Variants in CACNA1C observed in about 807,000 individuals in gnomAD.
CACNA1C encodes calcium voltage-gated channel subunit alpha1 C.
A neutral mutation model predicts 229.0 loss-of-function variants in CACNA1C; 30 were observed. The observed-to-expected ratio is 0.13, with a 90% CI of 0.10 to 0.18. CACNA1C has a LOEUF of 0.18. Ranked by LOEUF, CACNA1C falls within the 10% of genes least tolerant of loss-of-function variation. The probability of loss-of-function intolerance (pLI) is 1.00; values close to 1 mark genes in which losing one functional copy is unlikely to be tolerated. For missense variants in CACNA1C, 1,658 were observed against 2,845.0 expected, an observed-to-expected ratio of 0.58 and a Z score of 9.49; for synonymous variants, 1,114 against 1,132.5, an observed-to-expected ratio of 0.98 and a Z score of 0.33.
chr12:2,655,266 G>C, intron 34 of CACNA1C, 28 bp downstream of exon 34: 1 of 1,349,958 alleles, frequency 7.4e-7, no homozygotes, highest in Non-Finnish European at 1.1e-6. Flanking sequence ...TAGGTGCACA[G>C]ATACACACAC....
At position 2,666,900 on chromosome 12, in the gene CACNA1C, T is replaced by TAA; in HGVS notation, c.4623+119_4623+120dup. On this transcript the variant is annotated intron_variant, in intron 37 of 46. Coordinates refer to ENST00000399655, the MANE Select transcript of CACNA1C (RefSeq NM_000719.7). This position sits in a 1 kb window ranked among gnomAD's most constrained non-coding sequence, Gnocchi z 5.3. ...GTTTATGTGCCTAAAGATTACATTT[T>TAA]AAGGGTCCTTCCAGCTCTAAATTCT... The TAA allele has an allele frequency of 1.4e-6, 1 of 697,556 alleles. No individual in the cohort carries two copies. Among genetic ancestry groups the TAA allele is most frequent in the South Asian group, 1.6e-5 (1 of 62,596 alleles). 43.2% of individuals were successfully genotyped at this position (697,556 alleles called of 1,614,324 possible).
intron 1 of CACNA1C, among the ~76,000 whole-genome samples, chr12:2,022,351 C>G (rs2046604682): frequency 6.6e-6 from 1 of 152,052 alleles, no homozygotes; most frequent in Non-Finnish European, 1.5e-5. Flanking sequence ...GTATGTATAG[C>G]TCACATTTGT....
chr12:2,054,376 C>T lies in CACNA1C; in HGVS notation c.49+765C>T, dbSNP rs1259162420. On this transcript the variant is annotated intron_variant, in intron 1 of 46. Coordinates refer to ENST00000399655, the MANE Select transcript of CACNA1C (RefSeq NM_000719.7). The surrounding 1 kb of genome is among the most constrained non-coding windows in gnomAD (Gnocchi z 5.5). ...ACCTGAGGATGGAAGCGGCGAGGAG[C>T]CGGGCGGTGTGTGGGCTTTGCTGTT... Among the ~76,000 whole-genome samples the T allele has an allele frequency of 6.6e-6, 1 of 152,194 alleles. No individual in the cohort carries two copies. Among genetic ancestry groups the T allele is most frequent in the Non-Finnish European group, 1.5e-5 (1 of 68,044 alleles).
intron 8 of CACNA1C, among the ~76,000 whole-genome samples, chr12:2,505,481 C>G (rs2099769484): frequency 6.6e-6 from 1 of 152,114 alleles, no homozygotes; most frequent in Non-Finnish European, 1.5e-5. Flanking sequence ...TACCTAATTT[C>G]AGCCCTTGCT....
intron 1 of CACNA1C, chr12:1,991,115 G>A (rs1309831637): frequency 2.2e-6 from 1 of 456,078 alleles, no homozygotes; most frequent in Middle Eastern, 3.3e-4. Context: ...GCATCCCAAA[G>A]GCTACCTTTA....
chr12:2,340,814 G>A (rs565208635), intron 3 of CACNA1C, among the ~76,000 whole-genome samples: 4 of 152,152 alleles, frequency 2.6e-5, no homozygotes, highest in Non-Finnish European at 4.4e-5. Flanking sequence ...AAAATTAGCC[G>A]GGCGTGGTGG....
Position 2,056,169 on chromosome 12 carries a change from G to A in CACNA1C, c.49+2558G>A, listed in dbSNP as rs151131645. On this transcript the variant is annotated intron_variant, in intron 1 of 46. Transcript: ENST00000399655. ...TCCTTGCTCCCTCACCTTTTCCGTG[G>A]AGTGTGTGCATGTGTGAGTGTGTGT... Among the ~76,000 whole-genome samples the A allele has an allele frequency of 3.6e-3, 539 of 151,416 alleles. 3 individuals are homozygous for A. The highest frequency in any genetic ancestry group is 0.013 in the African/African-American group (522 of 41,280).
chr12:2,611,553 A>C (rs1188493124), intron 28 of CACNA1C, among the ~76,000 whole-genome samples: 1 of 152,012 alleles, frequency 6.6e-6, no homozygotes, highest in African/African-American at 2.4e-5. Flanking sequence ...AGCTGGACGC[A>C]TTCGTTGTCG....
intron 30 of CACNA1C, among the ~76,000 whole-genome samples, chr12:2,637,775 A>G (rs568064679): frequency 6.6e-6 from 1 of 152,310 alleles, no homozygotes; most frequent in African/African-American, 2.4e-5. Flanking sequence ...TCATCACAAG[A>G]CATATATTCC....
In CACNA1C at chr12:2,649,658, G is replaced by A. The variant is rs2094723914; in HGVS notation, c.3945+1151G>A. Among the ~76,000 whole-genome samples, 1 of 151,922 alleles carries A rather than the reference G, an allele frequency of 6.6e-6. No homozygotes were observed. The highest frequency in any genetic ancestry group is 2.4e-5 in the African/African-American group (1 of 41,296). On this transcript the variant is annotated intron_variant, in intron 31 of 46. Transcript: ENST00000399655. The surrounding 1 kb of genome is among the most constrained non-coding windows in gnomAD (Gnocchi z 4.4). ...CAGTGGAATGGAATTCACGCTGCAA[G>A]CTTGGTGTTTGGCGTTTTTTGGGTT...
At chr12:2,096,151 C>T (rs548307848) in intron 1 of CACNA1C, among the ~76,000 whole-genome samples, 50 of 152,182 alleles carry the variant, frequency 3.3e-4, no homozygotes, top group Non-Finnish European at 6.5e-4. Flanking sequence ...AACCAGCTCT[C>T]GCAGCCAGAG....
Position 2,585,888 on chromosome 12 carries a change from C to A in CACNA1C, c.2514C>A (p.Pro838=). The A allele has an allele frequency of 6.2e-7, 1 of 1,601,242 alleles. No homozygotes were observed. Among genetic ancestry groups the A allele is most frequent in the Non-Finnish European group, 8.5e-7 (1 of 1,173,278 alleles). Residue 838 remains proline, a synonymous_variant, in exon 18 of 47, where the codon CCC becomes CCA. Coordinates refer to ENST00000399655, the MANE Select transcript of CACNA1C (RefSeq NM_000719.7). This position sits in a 1 kb window ranked among gnomAD's most constrained non-coding sequence, Gnocchi z 4.1. ...PNENEDKSPY[P]NPETTGEEDE... Reference sequence around the variant, plus strand: ...AAAATGAGGATAAGAGCCCCTACCCCAACCCAGAAACTACAGGTACCAGTC... The same window carrying A: ...AAAATGAGGATAAGAGCCCCTACCCAAACCCAGAAACTACAGGTACCAGTC...
chr12:2,583,588 T>A (rs528180180), intron 15 of CACNA1C, among the ~76,000 whole-genome samples: 2 of 152,160 alleles, frequency 1.3e-5, no homozygotes, highest in Admixed American at 6.5e-5. Context: ...AAGTCCCAGC[T>A]AAGGCAGTGC....
intron 1 of CACNA1C, among the ~76,000 whole-genome samples, chr12:2,073,741 C>T (rs1469075899): frequency 6.6e-6 from 1 of 152,222 alleles, no homozygotes; most frequent in Non-Finnish European, 1.5e-5. Flanking sequence ...CCAAGAATTT[C>T]AGGCATCAGC....
chr12:2,498,293 G>A (rs901887184), intron 7 of CACNA1C, among the ~76,000 whole-genome samples: 2 of 152,168 alleles, frequency 1.3e-5, no homozygotes, highest in Admixed American at 6.5e-5. Flanking sequence ...AGTAGAGACC[G>A]TGTTAGGACC....
rs1200574055 is a variant in CACNA1C, at chr12:2,029,554, TTA to T, written c.139+58354_139+58355del. 2.6e-5 allele frequency among the ~76,000 whole-genome samples: 4 copies of T among 152,208 alleles called. No individual in the cohort carries two copies. Among genetic ancestry groups the T allele is most frequent in the African/African-American group, 9.6e-5 (4 of 41,456 alleles). ...AACTTTAGTGTCTGGCTTCTTTCAC[TTA>T]GCATAATGTTTTCGAGGTTCATCCA... On this transcript the variant is annotated intron_variant, in intron 1 of 46. Transcript: ENST00000682462. The surrounding 1 kb of genome is among the most constrained non-coding windows in gnomAD (Gnocchi z 4.9).
rs1389802426 is a variant in CACNA1C, at chr12:2,054,581, C to T, written c.49+970C>T. 6.6e-6 allele frequency among the ~76,000 whole-genome samples: 1 copy of T among 152,150 alleles called. No homozygotes were observed. Among genetic ancestry groups the T allele is most frequent in the Non-Finnish European group, 1.5e-5 (1 of 68,030 alleles). On this transcript the variant is annotated intron_variant, in intron 1 of 46. Coordinates refer to ENST00000399655, the MANE Select transcript of CACNA1C (RefSeq NM_000719.7). This position sits in a 1 kb window ranked among gnomAD's most constrained non-coding sequence, Gnocchi z 5.5. ...AACTTTCTCCCTCACCGCTCTCCCC[C>T]CATATTAACAAGTTGTTTTCTTGGA...
At chr12:2,264,328 A>T (rs1232061637) in intron 3 of CACNA1C, among the ~76,000 whole-genome samples, 1 of 152,210 alleles carries the variant, frequency 6.6e-6, no homozygotes, top group Non-Finnish European at 1.5e-5. Flanking sequence ...CTGTCTTCAG[A>T]TAACCACAGT....
chr12:2,310,920 A>C (rs1299760896), intron 3 of CACNA1C, among the ~76,000 whole-genome samples: 2 of 152,220 alleles, frequency 1.3e-5, no homozygotes, highest in Non-Finnish European at 2.9e-5. Flanking sequence ...GACAGCCCCT[A>C]CGTTCAGCAG....
Sources: gnomAD v4.1 joint callset for allele counts (sites outside exome capture counted in the v4.1 genomes callset) on GRCh38, gnomAD v4.1.1 for gene constraint, Gnocchi (gnomAD v3.1) non-coding constraint, MANE v1.5 for transcripts, NCBI Gene and HGNC (gene_info 2026-07-23, HGNC 2026-07-21) for gene names.